The following NEK5 variants were observed in gnomAD, a reference collection of about 807,000 sequenced individuals.
The protein encoded by NEK5 is NIMA related kinase 5, also known as serine/threonine-protein kinase Nek5.
A neutral mutation model predicts 109.2 loss-of-function variants in NEK5; 88 were observed. That is an observed-to-expected ratio of 0.81 (90% confidence interval 0.68 to 0.96). The LOEUF (loss-of-function observed/expected upper bound fraction) is 0.96, where lower values mean the gene tolerates loss of function less well. Among genes scored for constraint, NEK5 ranks in the 40% least tolerant of loss-of-function variants. NEK5 has a pLI of 0.00. For missense variants in NEK5, 834 were observed against 920.7 expected (o/e 0.91, Z 1.22); for synonymous variants, 283 against 299.9 (o/e 0.94, Z 0.58).
intron 12 of NEK5, among the ~76,000 whole-genome samples, chr13:52,093,560 C>CA (rs200989608): frequency 0.1 from 14,172 of 141,946 alleles, 686 homozygotes; most frequent in Non-Finnish European, 0.12. Context: ...GACTCCATCT[C>CA]AAAAAAAAAA....
intron 7 of NEK5, among the ~76,000 whole-genome samples, chr13:52,108,946 T>C (rs1955706240): frequency 6.6e-6 from 1 of 152,254 alleles, no homozygotes; most frequent in Non-Finnish European, 1.5e-5. Flanking sequence ...ATGTTTATGA[T>C]ATATTCAGGT....
chr13:52,086,406 C>T (rs1248235555), intron 15 of NEK5, 43 bp from the exon 16 acceptor site: 2 of 1,147,814 alleles, frequency 1.7e-6, no homozygotes, highest in East Asian at 2.3e-5. Context: ...TGTTTATGAA[C>T]ACCATAACAA....
intron 8 of NEK5, among the ~76,000 whole-genome samples, chr13:52,105,611 A>T (rs1955637783): frequency 6.6e-6 from 1 of 152,090 alleles, no homozygotes; most frequent in Non-Finnish European, 1.5e-5. Context: ...GCTTCCACAG[A>T]CCCAAACTTC....
intron 9 of NEK5, among the ~76,000 whole-genome samples, chr13:52,103,927 C>T (rs982308842): frequency 2.6e-5 from 4 of 152,112 alleles, no homozygotes; most frequent in African/African-American, 9.7e-5. Flanking sequence ...GTACATTTTT[C>T]TTTTGCTGAA....
chr13:52,087,667 C>T (rs1051292382), intron 14 of NEK5, among the ~76,000 whole-genome samples: 1 of 152,048 alleles, frequency 6.6e-6, no homozygotes, highest in Non-Finnish European at 1.5e-5. Flanking sequence ...ACTCTGTCAC[C>T]CAGGCTGGAG....
intron 17 of NEK5, among the ~76,000 whole-genome samples, chr13:52,080,214 T>TG (rs553517630): frequency 0.021 from 2,019 of 96,274 alleles, 59 homozygotes; most frequent in African/African-American, 0.066. Context: ...GGGAGGGAGG[T>TG]GGGGGGGGGT....
intron 9 of NEK5, among the ~76,000 whole-genome samples, chr13:52,102,687 T>C (rs1955566112): frequency 6.6e-6 from 1 of 152,208 alleles, no homozygotes; most frequent in African/African-American, 2.4e-5. Flanking sequence ...AGTGAGACCC[T>C]GTCTCAATCA....
rs1388683370 is a variant in NEK5 at position 52,061,818 on chromosome 13, C to T, written c.2110+1G>A. On this transcript the variant is annotated splice_donor_variant, in intron 22 of 23. Transcript: ENST00000684899. LOFTEE classifies it high-confidence loss of function. ...TATGTTGTTAAAAATAAACTACATACCAAATTCTTCATCGGCAGAAAATGA... is the reference window on the plus strand; with the variant it reads ...TATGTTGTTAAAAATAAACTACATATCAAATTCTTCATCGGCAGAAAATGA... 15 of 985,118 alleles carry T rather than the reference C, an allele frequency of 1.5e-5. No homozygotes were observed. The highest frequency in any genetic ancestry group is 1.8e-5 in the Non-Finnish European group (15 of 829,380). The allele number at this position is 985,118 out of a possible 1,614,324, so 61.0% of individuals were successfully genotyped here.
chr13:52,078,426 AAG>A (rs1954906717), intron 17 of NEK5, among the ~76,000 whole-genome samples: 1 of 152,304 alleles, frequency 6.6e-6, no homozygotes, highest in African/African-American at 2.4e-5. Flanking sequence ...TAGGGAGAAT[AAG>A]AGAGAGGAGT....
chr13:52,091,850 T>C (rs908514402), intron 13 of NEK5, among the ~76,000 whole-genome samples: 4 of 152,222 alleles, frequency 2.6e-5, no homozygotes, highest in Non-Finnish European at 4.4e-5. Context: ...AATTTAAGAA[T>C]ACTATTTTCT....
Position 52,080,156 on chromosome 13 carries a change from C to A in NEK5, c.1572+3104G>T, listed in dbSNP as rs1203590291. ...CGTCTCCGCCCGGCAGCCACCCCGTCCAGGAGGGAGGTGGGGGTCAGCCCC... is the reference window on the plus strand; with the variant it reads ...CGTCTCCGCCCGGCAGCCACCCCGTACAGGAGGGAGGTGGGGGTCAGCCCC... On this transcript the variant is annotated intron_variant, in intron 17 of 23. Transcript: ENST00000684899. 1.6e-4 allele frequency among the ~76,000 whole-genome samples: 25 copies of A among 151,612 alleles called. No homozygotes were observed. In the South Asian group the frequency reaches 2.5e-3, roughly 15 times the overall value.
Position 52,111,998 on chromosome 13 carries a change from A to C in NEK5, c.312+270T>G, listed in dbSNP as rs569641778. On this transcript the variant is annotated intron_variant, in intron 5 of 23. Coordinates refer to ENST00000684899, the MANE Select transcript of NEK5 (RefSeq NM_001365552.1). Reference sequence around the variant, plus strand: ...GATTTTTTTTTAACCATGAAGACTTATCTCAGAGGCATCCTACATGAGATT... The same window carrying C: ...GATTTTTTTTTAACCATGAAGACTTCTCTCAGAGGCATCCTACATGAGATT... Among the ~76,000 whole-genome samples the C allele has an allele frequency of 2.0e-5, 3 of 152,312 alleles. No homozygotes were observed. In the East Asian group the frequency reaches 5.8e-4, roughly 29 times the overall value.
At chr13:52,126,991 C>T (rs1956075807) in intron 3 of NEK5, among the ~76,000 whole-genome samples, 1 of 152,034 alleles carries the variant, frequency 6.6e-6, no homozygotes, top group Admixed American at 6.6e-5. Flanking sequence ...TGCAGGGCAC[C>T]CTAAGGAGGG....
At chr13:52,071,466 C>T (rs35302368) in intron 20 of NEK5, among the ~76,000 whole-genome samples, 3,238 of 152,340 alleles carry the variant, frequency 0.021, 83 homozygotes, top group Admixed American at 0.084. Context: ...ACTCTTGCAA[C>T]GTATCTCTGT....
intron 3 of NEK5, among the ~76,000 whole-genome samples, chr13:52,125,291 T>C (rs1956043154): frequency 6.6e-6 from 1 of 152,168 alleles, no homozygotes; most frequent in Admixed American, 6.5e-5. Flanking sequence ...TGGATGGGTG[T>C]GGTGGCTCAT....
At chr13:52,089,677 C>G (rs747519182) in intron 13 of NEK5, among the ~76,000 whole-genome samples, 1 of 152,054 alleles carries the variant, frequency 6.6e-6, no homozygotes, top group Non-Finnish European at 1.5e-5. Flanking sequence ...GTCTAATGTA[C>G]AGGTTGTCGC....
chr13:52,036,939 G>A lies in NEK5; in HGVS notation c.*9C>T. 9 of 983,716 alleles carry A rather than the reference G, an allele frequency of 9.1e-6. No homozygotes were observed. The highest frequency in any genetic ancestry group is 1.1e-5 in the Non-Finnish European group (9 of 828,440). 60.9% of individuals were successfully genotyped at this position (983,716 alleles called of 1,614,324 possible). ...ACACTAACTTATTACTTAAGAAAAAGTACAATAATCACACTTGTATATTTT... is the reference window on the plus strand; with the variant it reads ...ACACTAACTTATTACTTAAGAAAAAATACAATAATCACACTTGTATATTTT... On this transcript the variant is annotated 3_prime_UTR_variant, in exon 24 of 24. Coordinates refer to ENST00000684899, the MANE Select transcript of NEK5 (RefSeq NM_001365552.1).
chr13:52,044,368 A>T (rs549182260), intron 23 of NEK5, among the ~76,000 whole-genome samples: 11 of 152,378 alleles, frequency 7.2e-5, no homozygotes, highest in Admixed American at 3.3e-4. Context: ...TTTGCCCACA[A>T]GAAATGAAAA....
In NEK5 at chr13:52,119,419, A is replaced by G. The variant is rs761322640; in HGVS notation, c.118-4T>C. The G allele has an allele frequency of 1.1e-5, 16 of 1,506,372 alleles. No homozygotes were observed. In the Middle Eastern group the frequency reaches 5.2e-4, roughly 49 times the overall value. The allele number at this position is 1,506,372 out of a possible 1,614,324, so 93.3% of individuals were successfully genotyped here. A position where few individuals can be genotyped will look rare whatever the true frequency, so the allele number is the denominator to read the frequency against. On this transcript the variant is annotated splice_region_variant and splice_polypyrimidine_tract_variant and intron_variant, in intron 3 of 23. Transcript: ENST00000684899. ...CTTCTTTTTCTTGTATGGGCATCTA[A>G]ATTACATTAAGAGACAGAGTAGTCT...
Sources: gnomAD v4.1 joint callset for allele counts (sites outside exome capture counted in the v4.1 genomes callset) on GRCh38, gnomAD v4.1.1 for gene constraint, MANE v1.5 for transcripts, NCBI Gene and HGNC (gene_info 2026-07-23, HGNC 2026-07-21) for gene names.